The following PTDSS1 variants were observed in gnomAD, a reference collection of about 807,000 sequenced individuals.
The protein encoded by PTDSS1 is phosphatidylserine synthase 1.
Under a neutral mutation model 70.5 loss-of-function variants are expected in PTDSS1, and 45 were observed. The observed-to-expected ratio is 0.64, with a 90% confidence interval of 0.50 to 0.82. PTDSS1 has a LOEUF of 0.82. PTDSS1 is among the 40% of genes least tolerant of loss of function. The probability of loss-of-function intolerance (pLI) is 0.00; values close to 1 mark genes in which losing one functional copy is unlikely to be tolerated. For missense variants in PTDSS1, 417 were observed against 586.1 expected, an observed-to-expected ratio of 0.71 and a Z score of 2.98; for synonymous variants, 188 against 203.8, an observed-to-expected ratio of 0.92 and a Z score of 0.66.
At chr8:96,263,476 C>T (rs1427232269) in intron 1 of PTDSS1, among the ~76,000 whole-genome samples, 1 of 152,104 alleles carries the variant, frequency 6.6e-6, no homozygotes, top group African/African-American at 2.4e-5. Flanking sequence ...GCCTCAGGGG[C>T]CACACTCGTA....
intron 10 of PTDSS1, among the ~76,000 whole-genome samples, chr8:96,328,507 G>A (rs1315956611): frequency 6.6e-6 from 1 of 152,162 alleles, no homozygotes. Context: ...ATGGATATGA[G>A]CTTTTTAATA....
chr8:96,288,624 C>CGTT (rs1281951532), intron 4 of PTDSS1, among the ~76,000 whole-genome samples: 1 of 112,470 alleles, frequency 8.9e-6, no homozygotes, highest in African/African-American at 5.5e-5. Context: ...CCACGCTTGG[C>CGTT]CTTTTTTTTT....
intron 3 of PTDSS1, among the ~76,000 whole-genome samples, chr8:96,285,332 AC>A (rs1333337702): frequency 6.6e-6 from 1 of 152,128 alleles, no homozygotes; most frequent in Admixed American, 6.6e-5. Flanking sequence ...AGTATAGTGC[AC>A]CCTGGGAGAA....
intron 4 of PTDSS1, among the ~76,000 whole-genome samples, chr8:96,289,285 G>A (rs1810869289): frequency 2.0e-5 from 3 of 152,114 alleles, no homozygotes; most frequent in Admixed American, 2.0e-4. Context: ...TGGAAGGTGG[G>A]ACTGAAAGTT....
At chr8:96,273,442 T>G in intron 2 of PTDSS1, 52 bp downstream of exon 2, 1 of 1,376,144 alleles carries the variant, frequency 7.3e-7, no homozygotes, top group African/African-American at 1.5e-5. Context: ...CCTTTCTGGT[T>G]TTTTTGAGAT....
chr8:96,297,138 A>G (rs1180582557), intron 5 of PTDSS1, among the ~76,000 whole-genome samples: 4 of 152,082 alleles, frequency 2.6e-5, no homozygotes, highest in East Asian at 3.9e-4. Flanking sequence ...ACCCCACCAG[A>G]CCAAGGCTCT....
intron 5 of PTDSS1, 150 bp downstream of exon 5, chr8:96,295,406 T>C (rs765137123): frequency 1.2e-6 from 1 of 864,836 alleles, no homozygotes; most frequent in Non-Finnish European, 1.6e-6. Flanking sequence ...GAATATTTAA[T>C]ACTTCTGTTT....
rs143563005 is a variant in PTDSS1 at position 96,267,648 on chromosome 8, T to C, written c.179+5429T>C. ...TCCATAAAACGAAATTAGTATGGTATGAAAGATAACACCAAAGCTGGTTGA... is the reference window on the plus strand; with the variant it reads ...TCCATAAAACGAAATTAGTATGGTACGAAAGATAACACCAAAGCTGGTTGA... On this transcript the variant is annotated intron_variant, in intron 1 of 12. Transcript: ENST00000517309. Among the ~76,000 whole-genome samples, 1,082 of 152,340 alleles carry C rather than the reference T, an allele frequency of 7.1e-3. 14 individuals carry two copies. Among genetic ancestry groups the C allele is most frequent in the African/African-American group, 0.025 (1,028 of 41,564 alleles).
At chr8:96,299,873 TCA>T in intron 6 of PTDSS1, 28 bp downstream of exon 6, 3 of 1,588,356 alleles carry the variant, frequency 1.9e-6, no homozygotes, top group Non-Finnish European at 2.6e-6. Context: ...TGGATATTAG[TCA>T]CAGTTTTTCA....
intron 1 of PTDSS1, among the ~76,000 whole-genome samples, chr8:96,266,540 A>G (rs1475939890): frequency 6.6e-6 from 1 of 152,218 alleles, no homozygotes; most frequent in African/African-American, 2.4e-5. Context: ...TCTTGACCAC[A>G]TAAATTCCCA....
chr8:96,266,836 T>G (rs187428605), intron 1 of PTDSS1, among the ~76,000 whole-genome samples: 11 of 152,366 alleles, frequency 7.2e-5, no homozygotes, highest in African/African-American at 2.6e-4. Flanking sequence ...ATGTTTTACA[T>G]TTTTTCTTAT....
At chr8:96,310,977 G>A (rs1039570470) in intron 9 of PTDSS1, among the ~76,000 whole-genome samples, 3 of 151,992 alleles carry the variant, frequency 2.0e-5, no homozygotes, top group Admixed American at 1.3e-4. Flanking sequence ...TGTTGGCCAG[G>A]ATGGTCTCGA....
At chr8:96,264,451 AG>A (rs1173545435) in intron 1 of PTDSS1, among the ~76,000 whole-genome samples, 3 of 152,230 alleles carry the variant, frequency 2.0e-5, no homozygotes, top group African/African-American at 7.2e-5. Flanking sequence ...GTAATTGAGA[AG>A]GATAAAAGCA....
chr8:96,320,152 G>A, intron 9 of PTDSS1, 94 bp from the exon 10 acceptor site: 1 of 1,118,310 alleles, frequency 8.9e-7, no homozygotes, highest in Non-Finnish European at 1.3e-6. Flanking sequence ...CGCATGATGA[G>A]TTGAACTTTT....
intron 2 of PTDSS1, among the ~76,000 whole-genome samples, chr8:96,282,739 C>A (rs927781570): frequency 2.0e-5 from 3 of 152,140 alleles, no homozygotes; most frequent in Admixed American, 6.5e-5. Flanking sequence ...AGAATGAATT[C>A]AGGAATAAAA....
chr8:96,276,980 G>GCACACACACACACACA (rs57116529), intron 2 of PTDSS1, among the ~76,000 whole-genome samples: 26 of 145,904 alleles, frequency 1.8e-4, no homozygotes, highest in African/African-American at 6.1e-4. Flanking sequence ...GCACGCGCGC[G>GCACACACACACACACA]CACACACACA....
At position 96,336,939 on chromosome 8, in the gene PTDSS1, T is replaced by C. The variant is rs981371001; in HGVS notation, c.*3373T>C. 7.5e-6 allele frequency: 1 copy of C among 132,842 alleles called. No homozygotes were observed. Among genetic ancestry groups the C allele is most frequent in the African/African-American group, 3.0e-5 (1 of 33,630 alleles). The allele number at this position is 132,842 out of a possible 1,614,324, so 8.2% of individuals were successfully genotyped here. A position where few individuals can be genotyped will look rare whatever the true frequency, so the allele number is the denominator to read the frequency against. ...TGAACCCAGGAGGTGGAGGTTCCAG[T>C]GAGCCGAGATCACGCCACCGCACTC... On this transcript the variant is annotated 3_prime_UTR_variant, in exon 13 of 13. Coordinates refer to ENST00000517309, the MANE Select transcript of PTDSS1 (RefSeq NM_014754.3).
chr8:96,267,420 T>G (rs1810503399), intron 1 of PTDSS1, among the ~76,000 whole-genome samples: 1 of 152,152 alleles, frequency 6.6e-6, no homozygotes, highest in Admixed American at 6.5e-5. Flanking sequence ...CTCAGCAAAC[T>G]CCCAACCCTT....
chr8:96,314,827 A>G (rs1265132823), intron 9 of PTDSS1, among the ~76,000 whole-genome samples: 1 of 151,906 alleles, frequency 6.6e-6, no homozygotes, highest in Non-Finnish European at 1.5e-5. Flanking sequence ...CGATCTCCTG[A>G]CCTCGTGATC....
Sources: gnomAD v4.1 joint callset for allele counts (sites outside exome capture counted in the v4.1 genomes callset) on GRCh38, gnomAD v4.1.1 for gene constraint, MANE v1.5 for transcripts, NCBI Gene and HGNC (gene_info 2026-07-23, HGNC 2026-07-21) for gene names.